LIPC: variants seen among roughly 807,000 people sequenced by gnomAD.
LIPC encodes the protein hepatic triacylglycerol lipase.
A neutral mutation model predicts 50.7 loss-of-function variants in LIPC; 44 were observed. That is an observed-to-expected ratio of 0.87 (90% CI 0.68 to 1.11). The LOEUF (loss-of-function observed/expected upper bound fraction) is 1.11, where lower values mean the gene tolerates loss of function less well. LIPC is among the 50% of genes most tolerant of loss of function. The pLI is 0.00. For missense variants in LIPC, 697 were observed against 648.2 expected, an observed-to-expected ratio of 1.08 and a Z score of -0.82; for synonymous variants, 271 against 256.4, an observed-to-expected ratio of 1.06 and a Z score of -0.54.
intron 1 of LIPC, among the ~76,000 whole-genome samples, chr15:58,490,047 T>C (rs568777672): frequency 6.6e-6 from 1 of 152,244 alleles, no homozygotes; most frequent in South Asian, 2.1e-4. Context: ...ATATTCTAGG[T>C]TCTTTGCAAT....
chr15:58,536,515 G>C (rs1893128110), intron 1 of LIPC, among the ~76,000 whole-genome samples: 1 of 152,172 alleles, frequency 6.6e-6, no homozygotes, highest in African/African-American at 2.4e-5. Flanking sequence ...CTAAGGCACA[G>C]GATTCTAGGG....
rs10716717 is a variant in LIPC, at chr15:58,496,743, C to CA, written c.89-41573dup. The stretch of plus-strand genomic sequence containing the variant: ...GCCCTGCTACAGAAGTCTTCCCCCT[C>CA]AAAAAAAAAAAAAAAAATTAAGATG... On this transcript the variant is annotated intron_variant, in intron 1 of 8. Coordinates refer to ENST00000299022, the MANE Select transcript of LIPC (RefSeq NM_000236.3). Among the ~76,000 whole-genome samples, 162 of 114,170 alleles carry CA rather than the reference C, an allele frequency of 1.4e-3. 7 individuals carry two copies. The highest frequency in any genetic ancestry group is 5.1e-3 in the African/African-American group (153 of 29,798). The allele number at this position is 114,170 out of a possible 152,430, so 74.9% of individuals were successfully genotyped here. A position where few individuals can be genotyped will look rare whatever the true frequency, so the allele number is the denominator to read the frequency against.
At chr15:58,484,047 G>C (rs1193901315) in intron 1 of LIPC, among the ~76,000 whole-genome samples, 1 of 152,152 alleles carries the variant, frequency 6.6e-6, no homozygotes, top group Non-Finnish European at 1.5e-5. Flanking sequence ...ACAGTGTTCA[G>C]TCTTTCCAAA....
intron 1 of LIPC, among the ~76,000 whole-genome samples, chr15:58,481,353 C>T (rs1321136837): frequency 6.6e-6 from 1 of 152,042 alleles, no homozygotes; most frequent in Admixed American, 6.6e-5. Context: ...ATGTTTATCT[C>T]ACAGACTGAC....
At chr15:58,468,186 T>A (rs1894644620) in intron 1 of LIPC, among the ~76,000 whole-genome samples, 1 of 152,156 alleles carries the variant, frequency 6.6e-6, no homozygotes, top group Admixed American at 6.5e-5. Context: ...TCACTTGGCT[T>A]ACCCTTGTCT....
chr15:58,521,902 G>A (rs1267946919), intron 1 of LIPC: 1 of 117,432 alleles, frequency 8.5e-6, no homozygotes, highest in Non-Finnish European at 1.9e-5. Context: ...GGAACGCTCT[G>A]TCATCTCTCT....
At chr15:58,523,501 G>A (rs1444400449) in intron 1 of LIPC, 2 of 152,256 alleles carry the variant, frequency 1.3e-5, no homozygotes, top group African/African-American at 4.8e-5. Context: ...CAGACAGCAA[G>A]AGAGCTACTC....
intron 1 of LIPC, among the ~76,000 whole-genome samples, chr15:58,504,373 A>C (rs761064372): frequency 2.0e-5 from 3 of 152,248 alleles, no homozygotes; most frequent in Non-Finnish European, 4.4e-5. Context: ...CATTCAGAAA[A>C]GATGCTTTTT....
chr15:58,502,956 TAAA>T (rs11449666), intron 1 of LIPC, among the ~76,000 whole-genome samples: 2 of 140,520 alleles, frequency 1.4e-5, no homozygotes, highest in African/African-American at 5.3e-5. Flanking sequence ...AAACATTGTT[TAAA>T]AAAAAAAAAA....
chr15:58,435,664 C>A (rs1354534303), intron 1 of LIPC: 1 of 152,262 alleles, frequency 6.6e-6, no homozygotes, highest in African/African-American at 2.4e-5. Flanking sequence ...AATCCCAGCA[C>A]TTTGGGAGGC....
chr15:58,436,794 G>T (rs1229420274), intron 1 of LIPC: 1 of 456,162 alleles, frequency 2.2e-6, no homozygotes, highest in East Asian at 6.9e-5. Flanking sequence ...TTTGAGTAGG[G>T]TGTTGAAGGA....
At chr15:58,433,967 G>T (rs1309087563) in intron 1 of LIPC, among the ~76,000 whole-genome samples, 1 of 152,210 alleles carries the variant, frequency 6.6e-6, no homozygotes, top group Non-Finnish European at 1.5e-5. Flanking sequence ...AGGGAAGCCG[G>T]TGTCCTGTGG....
intron 6 of LIPC, among the ~76,000 whole-genome samples, chr15:58,558,070 T>C (rs547720697): frequency 0.077 from 1,469 of 19,122 alleles, 30 homozygotes; most frequent in African/African-American, 0.1. Flanking sequence ...ATAGCTCTTT[T>C]CTTTTTTTTT....
intron 5 of LIPC, among the ~76,000 whole-genome samples, chr15:58,546,544 T>C (rs1566946648): frequency 6.6e-6 from 1 of 152,368 alleles, no homozygotes; most frequent in South Asian, 2.1e-4. Context: ...TGCTGTTATC[T>C]GGGTTGTGAT....
chr15:58,437,682 C>T (rs1893352770), intron 1 of LIPC, among the ~76,000 whole-genome samples: 1 of 152,094 alleles, frequency 6.6e-6, no homozygotes, highest in Admixed American at 6.6e-5. Flanking sequence ...AATCACTACC[C>T]CAGCAGGGTC....
At chr15:58,549,726 T>C (rs1279283782) in intron 6 of LIPC, among the ~76,000 whole-genome samples, 1 of 152,160 alleles carries the variant, frequency 6.6e-6, no homozygotes, top group Non-Finnish European at 1.5e-5. Flanking sequence ...GGTCTAGGAA[T>C]GACAGAAATT....
intron 1 of LIPC, among the ~76,000 whole-genome samples, chr15:58,471,336 G>GCA (rs1555399304): frequency 7.4e-6 from 1 of 135,006 alleles, no homozygotes; most frequent in African/African-American, 3.2e-5. Context: ...GATGGGGGGG[G>GCA]GTGGTCTCAC....
chr15:58,551,427 T>C (rs1262602423), intron 6 of LIPC, among the ~76,000 whole-genome samples: 1 of 152,258 alleles, frequency 6.6e-6, no homozygotes, highest in Non-Finnish European at 1.5e-5. Flanking sequence ...TTACTTTAAA[T>C]TAAATGGAAC....
At chr15:58,475,904 G>A (rs868656894) in intron 1 of LIPC, among the ~76,000 whole-genome samples, 2 of 152,216 alleles carry the variant, frequency 1.3e-5, no homozygotes. Flanking sequence ...TCTAGATTCT[G>A]TCATTAGAAA....
Sources: allele counts gnomAD v4.1 joint callset (sites outside exome capture counted in the v4.1 genomes callset), GRCh38; gene constraint gnomAD v4.1.1; transcripts MANE v1.5; gene names NCBI Gene and HGNC (gene_info 2026-07-23, HGNC 2026-07-21).